Variants in PLXDC2 observed in about 807,000 individuals in gnomAD.
PLXDC2 encodes the protein plexin domain-containing protein 2.
In PLXDC2, 40 loss-of-function variants were observed where a neutral mutation model predicts 68.9. That is an observed-to-expected ratio of 0.58 (90% CI 0.45 to 0.76). PLXDC2 has a LOEUF of 0.76. Among genes scored for constraint, PLXDC2 ranks in the 30% least tolerant of loss-of-function variants. PLXDC2 has a pLI of 0.00. For synonymous variants in PLXDC2, 243 were observed against 234.2 expected, an observed-to-expected ratio of 1.04 and a Z score of -0.34; for missense variants, 644 against 661.9, an observed-to-expected ratio of 0.97 and a Z score of 0.30.
intron 2 of PLXDC2, among the ~76,000 whole-genome samples, chr10:20,030,288 A>G (rs773183613): frequency 1.4e-4 from 21 of 152,196 alleles, no homozygotes; most frequent in Non-Finnish European, 2.5e-4. Context: ...AGTTCCTTTT[A>G]TAAGGAGATA....
In PLXDC2 at chr10:19,817,037, G is replaced by C; in HGVS notation, c.-43G>C. On this transcript the variant is annotated 5_prime_UTR_variant, in exon 1 of 14. Coordinates refer to ENST00000377252, the MANE Select transcript of PLXDC2 (RefSeq NM_032812.9). ...ATTGCATCGGGAGCCCCCGAGCACCGGCGAAGGACTGGCGGGTGGGGTAGG... is the reference window on the plus strand; with the variant it reads ...ATTGCATCGGGAGCCCCCGAGCACCCGCGAAGGACTGGCGGGTGGGGTAGG... 3 of 1,478,502 alleles carry C rather than the reference G, an allele frequency of 2.0e-6. No individual in the cohort carries two copies. The highest frequency in any genetic ancestry group is 2.5e-5 in the East Asian group (1 of 40,548). The allele number at this position is 1,478,502 out of a possible 1,614,324, so 91.6% of individuals were successfully genotyped here.
rs779251976 is a variant in PLXDC2, at chr10:19,817,073, C to A, written c.-7C>A. 1 of 1,535,130 alleles carries A rather than the reference C, an allele frequency of 6.5e-7. No individual in the cohort carries two copies. Among genetic ancestry groups the A allele is most frequent in the Non-Finnish European group, 8.8e-7 (1 of 1,139,346 alleles). On this transcript the variant is annotated 5_prime_UTR_variant, in exon 1 of 14. Coordinates refer to ENST00000377252, the MANE Select transcript of PLXDC2 (RefSeq NM_032812.9). ...GGCGGGTGGGGTAGGGAGGTGGCGG[C>A]GGCGGCATGGCGAGGTTCCCGAAGG...
At chr10:20,224,076 C>T (rs985390134) in intron 12 of PLXDC2, among the ~76,000 whole-genome samples, 12 of 150,884 alleles carry the variant, frequency 8.0e-5, no homozygotes, top group Non-Finnish European at 8.8e-5. Flanking sequence ...TTGGTTCAAG[C>T]GATTCACCTG....
intron 9 of PLXDC2, among the ~76,000 whole-genome samples, chr10:20,198,751 T>A (rs1414360572): frequency 6.6e-6 from 1 of 152,172 alleles, no homozygotes; most frequent in East Asian, 1.9e-4. Context: ...TTACCTTGTT[T>A]TTGTCACATA....
chr10:19,864,872 G>T (rs554620550), intron 1 of PLXDC2, among the ~76,000 whole-genome samples: 2 of 152,184 alleles, frequency 1.3e-5, no homozygotes, highest in Non-Finnish European at 2.9e-5. Context: ...AGTTTAAAGG[G>T]TGAGTCAAAC....
intron 4 of PLXDC2, among the ~76,000 whole-genome samples, chr10:20,086,777 G>A (rs1833203080): frequency 6.6e-6 from 1 of 152,200 alleles, no homozygotes; most frequent in Non-Finnish European, 1.5e-5. Flanking sequence ...AACATTTGTA[G>A]CAGCTCCTTG....
intron 12 of PLXDC2, among the ~76,000 whole-genome samples, chr10:20,241,246 A>G (rs1217221192): frequency 6.6e-6 from 1 of 152,238 alleles, no homozygotes; most frequent in Non-Finnish European, 1.5e-5. Context: ...TACCACACTC[A>G]AGGTGCAAAT....
At chr10:20,221,469 T>G (rs1835211521) in intron 12 of PLXDC2, among the ~76,000 whole-genome samples, 1 of 152,210 alleles carries the variant, frequency 6.6e-6, no homozygotes, top group Admixed American at 6.5e-5. Context: ...CAGACTCTTC[T>G]TATATCTATG....
chr10:19,927,713 C>CAAAAAAAAAAAAAAAAAAAAAAAA (rs35250324), intron 1 of PLXDC2, among the ~76,000 whole-genome samples: 1 of 53,142 alleles, frequency 1.9e-5, no homozygotes, highest in African/African-American at 7.9e-5. Flanking sequence ...GGAAAAAAAG[C>CAAAAAAAAAAAAAAAAAAAAAAAA]AAAAAAAAAA....
chr10:20,287,982 G>C lies in PLXDC2; in HGVS notation c.*8163G>C, dbSNP rs910931310. 2.9e-5 allele frequency: 3 copies of C among 104,622 alleles called. No homozygotes were observed. Among genetic ancestry groups the C allele is most frequent in the African/African-American group, 1.1e-4 (3 of 27,432 alleles). The allele number at this position is 104,622 out of a possible 1,614,324, so 6.5% of individuals were successfully genotyped here. ...AGAAATTGGGCACTTCTTGCGGCGG[G>C]GGAGGGGGGGGGGGCGGTGGCTTTC... On this transcript the variant is annotated 3_prime_UTR_variant, in exon 14 of 14. Coordinates refer to ENST00000377252, the MANE Select transcript of PLXDC2 (RefSeq NM_032812.9).
intron 1 of PLXDC2, among the ~76,000 whole-genome samples, chr10:19,823,440 T>C (rs202185750): frequency 1.3e-5 from 2 of 151,570 alleles, no homozygotes; most frequent in Non-Finnish European, 2.9e-5. Context: ...CAGCACTTTT[T>C]TGGGAGGTGG....
chr10:20,064,171 A>T (rs922780799), intron 3 of PLXDC2, among the ~76,000 whole-genome samples: 1 of 150,820 alleles, frequency 6.6e-6, no homozygotes, highest in Non-Finnish European at 1.5e-5. Flanking sequence ...CCAAGAGCAC[A>T]TAATGTTTAC....
chr10:19,940,892 C>T (rs1031771372), intron 1 of PLXDC2, among the ~76,000 whole-genome samples: 4 of 152,256 alleles, frequency 2.6e-5, no homozygotes, highest in Admixed American at 2.0e-4. Context: ...AAATAATTAT[C>T]TTGTTTGGTT....
intron 1 of PLXDC2, among the ~76,000 whole-genome samples, chr10:19,862,010 T>A (rs1438910793): frequency 6.6e-6 from 1 of 152,216 alleles, no homozygotes; most frequent in Admixed American, 6.5e-5. Context: ...ATAGGAGATA[T>A]GTTGAATGGT....
At chr10:20,042,258 A>T (rs1835696153) in intron 2 of PLXDC2, among the ~76,000 whole-genome samples, 1 of 152,092 alleles carries the variant, frequency 6.6e-6, no homozygotes, top group South Asian at 2.1e-4. Flanking sequence ...TTATACCAGC[A>T]TGTTTTTTTC....
At chr10:20,228,112 T>A (rs566900121) in intron 12 of PLXDC2, among the ~76,000 whole-genome samples, 3 of 152,238 alleles carry the variant, frequency 2.0e-5, no homozygotes, top group African/African-American at 7.2e-5. Flanking sequence ...CATGTTGATG[T>A]TGATATCTAA....
intron 1 of PLXDC2, among the ~76,000 whole-genome samples, chr10:19,997,320 C>A (rs578173386): frequency 1.3e-5 from 2 of 152,272 alleles, no homozygotes; most frequent in African/African-American, 4.8e-5. Context: ...CTATCTTAGC[C>A]AAATATTTTC....
At chr10:19,902,608 C>T (rs965438844) in intron 1 of PLXDC2, among the ~76,000 whole-genome samples, 3 of 152,024 alleles carry the variant, frequency 2.0e-5, no homozygotes, top group African/African-American at 2.4e-5. Context: ...TCTAGGTATA[C>T]GATCATATCA....
chr10:19,947,304 C>T (rs1014177478), intron 1 of PLXDC2, among the ~76,000 whole-genome samples: 1 of 152,174 alleles, frequency 6.6e-6, no homozygotes, highest in Admixed American at 6.6e-5. Flanking sequence ...TCAGCCTCTG[C>T]GTTAGTGGTA....
Sources: allele counts gnomAD v4.1 joint callset (sites outside exome capture counted in the v4.1 genomes callset), GRCh38; gene constraint gnomAD v4.1.1; transcripts MANE v1.5; gene names NCBI Gene and HGNC (gene_info 2026-07-23, HGNC 2026-07-21).